The following RIMS2 variants were observed in gnomAD, a reference collection of about 807,000 sequenced individuals.
RIMS2 encodes regulating synaptic membrane exocytosis 2.
In RIMS2, 59 loss-of-function variants were observed where a neutral mutation model predicts 174.4. The observed-to-expected ratio is 0.34, with a 90% confidence interval of 0.27 to 0.42. The LOEUF (loss-of-function observed/expected upper bound fraction) is 0.42, where lower values mean the gene tolerates loss of function less well. Among genes scored for constraint, RIMS2 ranks in the 10% least tolerant of loss-of-function variants. RIMS2 has a pLI of 1.00. For missense variants in RIMS2, 1,620 were observed against 1,666.3 expected (o/e 0.97, Z 0.48); for synonymous variants, 606 against 572.5 (o/e 1.06, Z -0.84).
At chr8:104,110,902 A>G (rs913786766) in intron 19 of RIMS2, among the ~76,000 whole-genome samples, 1 of 152,212 alleles carries the variant, frequency 6.6e-6, no homozygotes. Flanking sequence ...GAACTATTTT[A>G]GTGTAATACT....
At chr8:104,118,041 A>G (rs2098308233) in intron 19 of RIMS2, among the ~76,000 whole-genome samples, 1 of 152,200 alleles carries the variant, frequency 6.6e-6, no homozygotes, top group Admixed American at 6.5e-5. Context: ...TTCTATTGGC[A>G]TTGACAACTG....
chr8:103,518,368 T>TA lies in RIMS2; in HGVS notation c.176+17317dup, dbSNP rs1216947759. On this transcript the variant is annotated intron_variant, in intron 1 of 23. Transcript: ENST00000504942. The stretch of plus-strand genomic sequence containing the variant: ...CTAACACTAACGATAGCTGATGAGC[T>TA]AAAAAAAAAAATCTCATAATGTTTT... 4.8e-3 allele frequency among the ~76,000 whole-genome samples: 714 copies of TA among 147,580 alleles called. 4 individuals are homozygous for TA. The highest frequency in any genetic ancestry group is 0.016 in the African/African-American group (659 of 40,534).
chr8:103,806,709 TC>T (rs1258495384), intron 3 of RIMS2, among the ~76,000 whole-genome samples: 1 of 151,902 alleles, frequency 6.6e-6, no homozygotes, highest in African/African-American at 2.4e-5. Context: ...ATTGAAGTCA[TC>T]CATTAGAGAG....
intron 1 of RIMS2, among the ~76,000 whole-genome samples, chr8:103,680,506 C>T (rs1487966328): frequency 6.6e-6 from 1 of 151,932 alleles, no homozygotes; most frequent in Non-Finnish European, 1.5e-5. Flanking sequence ...TTTATATAGC[C>T]AGCCACCAAA....
intron 19 of RIMS2, among the ~76,000 whole-genome samples, chr8:104,098,336 T>G (rs941614344): frequency 6.6e-6 from 1 of 152,108 alleles, no homozygotes; most frequent in South Asian, 2.1e-4. Flanking sequence ...GGATGGATGT[T>G]TGAGGATAGT....
intron 19 of RIMS2, among the ~76,000 whole-genome samples, chr8:104,121,716 C>T (rs543964418): frequency 1.1e-4 from 17 of 152,244 alleles, no homozygotes; most frequent in African/African-American, 3.6e-4. Context: ...AATCCCAGCA[C>T]TTTGGGAGGC....
Position 104,248,684 on chromosome 8 carries a change from T to A in RIMS2, c.3477-17T>A. 5 of 1,349,686 alleles carry A rather than the reference T, an allele frequency of 3.7e-6. No individual in the cohort carries two copies. Among genetic ancestry groups the A allele is most frequent in the Non-Finnish European group, 5.3e-6 (5 of 938,798 alleles). The allele number at this position is 1,349,686 out of a possible 1,614,324, so 83.6% of individuals were successfully genotyped here. On this transcript the variant is annotated splice_polypyrimidine_tract_variant and intron_variant, in intron 20 of 23. Coordinates refer to ENST00000504942, the Ensembl canonical transcript of RIMS2. ...TAGGGGTTGGGGATTTAATCTCATA[T>A]GTTATTTTGCTTTCAGTCTGATTTT...
intron 3 of RIMS2, among the ~76,000 whole-genome samples, chr8:103,870,903 A>T (rs2099108279): frequency 6.6e-6 from 1 of 152,208 alleles, no homozygotes; most frequent in Non-Finnish European, 1.5e-5. Context: ...ATCTGATGAT[A>T]TCCCTTTTGT....
chr8:104,147,251 G>A lies in RIMS2; in HGVS notation c.3335-97665G>A, dbSNP rs182392443. Among the ~76,000 whole-genome samples the A allele has an allele frequency of 6.1e-5, 9 of 147,910 alleles. No individual in the cohort carries two copies. The East Asian group carries it at 9.9e-4, about 16-fold the overall frequency. On this transcript the variant is annotated intron_variant, in intron 19 of 23. Transcript: ENST00000504942. ...CCTGCGCCTTCTCTCTCTCTCCCTC[G>A]CACACACACACACTAACTCTCTTTG...
intron 19 of RIMS2, among the ~76,000 whole-genome samples, chr8:104,070,295 A>T (rs532378478): frequency 6.6e-6 from 1 of 152,332 alleles, no homozygotes; most frequent in Admixed American, 6.5e-5. Flanking sequence ...TTATCACAGA[A>T]TTCTGATATA....
chr8:103,897,411 C>T (rs2099291491), intron 4 of RIMS2, among the ~76,000 whole-genome samples: 1 of 151,636 alleles, frequency 6.6e-6, no homozygotes, highest in African/African-American at 2.4e-5. Flanking sequence ...CCATAAGTGG[C>T]CCCTCATGTG....
chr8:103,990,965 C>T lies in RIMS2; in HGVS notation c.3044+1544C>T, dbSNP rs566502721. Among the ~76,000 whole-genome samples, 411 of 151,844 alleles carry T rather than the reference C, an allele frequency of 2.7e-3. 1 individual carries two copies. Among genetic ancestry groups the T allele is most frequent in the African/African-American group, 9.3e-3 (386 of 41,474 alleles). Reference sequence around the variant, plus strand: ...ATAATACTTTATAAATATTTAAAGGCAAATGACCCTAGGTTTAATGGCAGC... The same window carrying T: ...ATAATACTTTATAAATATTTAAAGGTAAATGACCCTAGGTTTAATGGCAGC... On this transcript the variant is annotated intron_variant, in intron 17 of 23. Coordinates refer to ENST00000504942, the Ensembl canonical transcript of RIMS2.
intron 3 of RIMS2, among the ~76,000 whole-genome samples, chr8:103,794,479 C>A (rs924236091): frequency 6.6e-6 from 1 of 152,118 alleles, no homozygotes; most frequent in African/African-American, 2.4e-5. Flanking sequence ...CCATAGAAAT[C>A]CTAGAAGAAA....
At chr8:103,684,110 T>G (rs1202009965) in intron 1 of RIMS2, among the ~76,000 whole-genome samples, 1 of 152,200 alleles carries the variant, frequency 6.6e-6, no homozygotes, top group Non-Finnish European at 1.5e-5. Context: ...AAAATTTACC[T>G]CTTTTTTGTA....
intron 4 of RIMS2, among the ~76,000 whole-genome samples, chr8:103,886,474 C>T (rs1353701359): frequency 2.0e-5 from 3 of 151,746 alleles, no homozygotes; most frequent in African/African-American, 7.2e-5. Flanking sequence ...TGAAAGTTTT[C>T]TTGTATCATT....
chr8:103,992,771 A>G (rs2094810710), intron 17 of RIMS2, among the ~76,000 whole-genome samples: 1 of 152,194 alleles, frequency 6.6e-6, no homozygotes, highest in Non-Finnish European at 1.5e-5. Flanking sequence ...ATTCTTCACA[A>G]GTAATTTAGT....
exon 1 of RIMS2, chr8:103,500,988 G>A (rs779288236): frequency 6.2e-7 from 1 of 1,611,608 alleles, no homozygotes; most frequent in South Asian, 1.1e-5. Context: ...ACCTCACGGA[G>A]GAGGAGAGGA....
rs1445421219 is a variant in RIMS2 at position 104,088,077 on chromosome 8, A to C, written c.3334+73462A>C. Reference sequence around the variant, plus strand: ...TTAGAAGTCATAGCTAAACAAAATTATCTCTGACAAGTACATTTTTTAATT... The same window carrying C: ...TTAGAAGTCATAGCTAAACAAAATTCTCTCTGACAAGTACATTTTTTAATT... On this transcript the variant is annotated intron_variant, in intron 19 of 23. Coordinates refer to ENST00000504942, the Ensembl canonical transcript of RIMS2. Among the ~76,000 whole-genome samples the C allele has an allele frequency of 2.0e-5, 3 of 152,142 alleles. No individual in the cohort carries two copies. The East Asian group carries it at 5.8e-4, about 29-fold the overall frequency.
chr8:104,172,632 A>G (rs140591351), intron 19 of RIMS2, among the ~76,000 whole-genome samples: 1 of 152,210 alleles, frequency 6.6e-6, no homozygotes, highest in African/African-American at 2.4e-5. Context: ...AATATTTGCC[A>G]TATGGCCCTT....
Sources: allele counts gnomAD v4.1 joint callset (sites outside exome capture counted in the v4.1 genomes callset), GRCh38; gene constraint gnomAD v4.1.1; transcripts MANE v1.5; gene names NCBI Gene and HGNC (gene_info 2026-07-23, HGNC 2026-07-21).